Variants in TSPAN18 observed in about 807,000 individuals in gnomAD.
TSPAN18 encodes tetraspanin 18.
A neutral mutation model predicts 27.3 loss-of-function variants in TSPAN18; 14 were observed. The ratio of observed to expected loss-of-function variants is 0.51; its 90% CI spans 0.34 to 0.80. TSPAN18 has a LOEUF of 0.80. Among genes scored for constraint, TSPAN18 ranks in the 30% least tolerant of loss-of-function variants. The pLI, the probability that TSPAN18 is intolerant of heterozygous loss-of-function variation, is 0.01. For synonymous variants in TSPAN18, 143 were observed against 136.5 expected, an observed-to-expected ratio of 1.05 and a Z score of -0.33; for missense variants, 268 against 323.9, an observed-to-expected ratio of 0.83 and a Z score of 1.32.
intron 1 of TSPAN18, among the ~76,000 whole-genome samples, chr11:44,741,296 G>T (rs1231051866): frequency 2.0e-5 from 3 of 152,186 alleles, no homozygotes; most frequent in Non-Finnish European, 4.4e-5. Flanking sequence ...TGAAAGAAAA[G>T]TGTCTGAAGA....
At chr11:44,905,016 A>G (rs538080732) in intron 3 of TSPAN18, among the ~76,000 whole-genome samples, 6 of 152,182 alleles carry the variant, frequency 3.9e-5, no homozygotes, top group Non-Finnish European at 8.8e-5. Flanking sequence ...CCCTGGGCAC[A>G]GTGCTGGATC....
chr11:44,767,450 G>T (rs1477381499), intron 2 of TSPAN18, among the ~76,000 whole-genome samples: 5 of 152,198 alleles, frequency 3.3e-5, no homozygotes, highest in African/African-American at 9.6e-5. Context: ...GCATCTAGAG[G>T]TGCCCTCTGT....
chr11:44,851,614 C>A (rs578081254), intron 2 of TSPAN18, among the ~76,000 whole-genome samples: 3 of 141,606 alleles, frequency 2.1e-5, no homozygotes, highest in East Asian at 4.0e-4. Flanking sequence ...CTCTTGTCAC[C>A]TCCCCCCCCC....
At chr11:44,880,220 A>T (rs1443644480) in intron 3 of TSPAN18, among the ~76,000 whole-genome samples, 1 of 152,190 alleles carries the variant, frequency 6.6e-6, no homozygotes, top group African/African-American at 2.4e-5. Context: ...TCCAAGCTGT[A>T]GCCCCGCCAA....
intron 3 of TSPAN18, among the ~76,000 whole-genome samples, chr11:44,890,836 TA>T (rs59444328): frequency 0.09 from 13,668 of 152,016 alleles, 737 homozygotes; most frequent in East Asian, 0.22. Context: ...CATGTTTATT[TA>T]AAAAAAGCAC....
At chr11:44,795,908 A>G (rs1262157791) in intron 2 of TSPAN18, among the ~76,000 whole-genome samples, 1 of 152,012 alleles carries the variant, frequency 6.6e-6, no homozygotes, top group African/African-American at 2.4e-5. Context: ...CAGGCCTGCT[A>G]AATGTGGAGC....
Position 44,844,839 on chromosome 11 carries a change from T to G in TSPAN18, c.-152-15489T>G, listed in dbSNP as rs1857447741. ...CATTTGAGAAGAAAGAAAATGAATG[T>G]TTATTGAGAACTTCATTTGCACCAG... On this transcript the variant is annotated intron_variant, in intron 2 of 9. Transcript: ENST00000520358. Among the ~76,000 whole-genome samples the G allele has an allele frequency of 1.3e-5, 2 of 152,192 alleles. 1 individual carries two copies. Among genetic ancestry groups the G allele is most frequent in the South Asian group, 4.1e-4 (2 of 4,830 alleles).
intron 2 of TSPAN18, among the ~76,000 whole-genome samples, chr11:44,783,375 T>C (rs1855982773): frequency 6.6e-6 from 1 of 151,290 alleles, no homozygotes; most frequent in Admixed American, 6.6e-5. Flanking sequence ...AACAACAATA[T>C]GATATACCAA....
intron 2 of TSPAN18, among the ~76,000 whole-genome samples, chr11:44,788,110 G>A (rs860687): frequency 0.35 from 53,625 of 152,070 alleles, 11,756 homozygotes; most frequent in East Asian, 0.72. Flanking sequence ...TGGTTCAGGC[G>A]GGGGCCCAGG....
chr11:44,909,747 GTGGACC>G lies in TSPAN18; in HGVS notation c.107_112del (p.Val36_Pro38delinsAla). 1 of 1,613,340 alleles carries G rather than the reference GTGGACC, an allele frequency of 6.2e-7. No individual in the cohort carries two copies. The highest frequency in any genetic ancestry group is 8.5e-7 in the Non-Finnish European group (1 of 1,179,962). On this transcript the variant is annotated inframe_deletion, in exon 5 of 10. Transcript: ENST00000520358. Reference sequence around the variant, plus strand: ...GCTGGCCATCGGCATCTGGGTCATGGTGGACCCCACCGGCTTCCGGGAGATCGTGGC... The same window carrying G: ...GCTGGCCATCGGCATCTGGGTCATGGCCACCGGCTTCCGGGAGATCGTGGC...
chr11:44,741,447 A>ATGTGTGTGTGTG (rs58865710), intron 1 of TSPAN18, among the ~76,000 whole-genome samples: 1 of 147,384 alleles, frequency 6.8e-6, no homozygotes, highest in Middle Eastern at 3.2e-3. Context: ...TCAGACATGT[A>ATGTGTGTGTGTG]TGTGTGTGTG....
At chr11:44,765,398 C>T (rs147230026) in intron 2 of TSPAN18, among the ~76,000 whole-genome samples, 5 of 152,258 alleles carry the variant, frequency 3.3e-5, no homozygotes, top group South Asian at 2.1e-4. Context: ...ACGATGGCTC[C>T]GACCCTTGGT....
intron 1 of TSPAN18, among the ~76,000 whole-genome samples, chr11:44,741,923 C>G (rs1442807584): frequency 6.6e-6 from 1 of 152,196 alleles, no homozygotes; most frequent in Non-Finnish European, 1.5e-5. Context: ...GCTCTCTCCC[C>G]ACTCCCTTCC....
chr11:44,800,006 G>GGTTTTTTTTTT (rs1554985027), intron 2 of TSPAN18, among the ~76,000 whole-genome samples: 59 of 109,358 alleles, frequency 5.4e-4, no homozygotes, highest in Non-Finnish European at 7.7e-4. Flanking sequence ...AATTTTTTGT[G>GGTTTTTTTTTT]TTTTTTTTTT....
intron 3 of TSPAN18, among the ~76,000 whole-genome samples, chr11:44,885,506 G>T (rs1858618901): frequency 6.6e-6 from 1 of 151,692 alleles, no homozygotes; most frequent in Non-Finnish European, 1.5e-5. Context: ...TCTGTGGAAG[G>T]ATGAGGCATT....
chr11:44,731,627 T>TGAGA (rs1251803223), intron 1 of TSPAN18, among the ~76,000 whole-genome samples: 198 of 84,652 alleles, frequency 2.3e-3, no homozygotes, highest in East Asian at 0.017. Context: ...TGTGTGTGTG[T>TGAGA]GTGTGTGAGA....
chr11:44,892,332 G>A (rs1260328852), intron 3 of TSPAN18, among the ~76,000 whole-genome samples: 5 of 152,184 alleles, frequency 3.3e-5, no homozygotes, highest in Non-Finnish European at 7.3e-5. Context: ...TCTGACCCGC[G>A]CCATTCCTCC....
chr11:44,807,630 G>T (rs1333834776), intron 2 of TSPAN18, among the ~76,000 whole-genome samples: 4 of 152,030 alleles, frequency 2.6e-5, no homozygotes, highest in Non-Finnish European at 5.9e-5. Flanking sequence ...GTGGGTGTGG[G>T]TATTGCAAAA....
chr11:44,927,418 G>A (rs1035610089), intron 9 of TSPAN18, among the ~76,000 whole-genome samples: 6 of 152,186 alleles, frequency 3.9e-5, no homozygotes, highest in African/African-American at 1.2e-4. Flanking sequence ...GCACTCTGGG[G>A]CCTCAGTCAG....
Sources: gnomAD v4.1 joint callset for allele counts (sites outside exome capture counted in the v4.1 genomes callset) on GRCh38, gnomAD v4.1.1 for gene constraint, MANE v1.5 for transcripts, NCBI Gene and HGNC (gene_info 2026-07-23, HGNC 2026-07-21) for gene names.